Variants in GALC observed in about 807,000 individuals in gnomAD.
The protein encoded by GALC is galactosylceramidase.
In GALC, 77 loss-of-function variants were observed where a neutral mutation model predicts 91.8. The observed-to-expected ratio is 0.84, with a 90% CI of 0.70 to 1.01. The LOEUF (loss-of-function observed/expected upper bound fraction) is 1.01, where lower values mean the gene tolerates loss of function less well. GALC is among the 50% of genes least tolerant of loss of function. GALC has a pLI of 0.00. For missense variants in GALC, 882 were observed against 855.9 expected (o/e 1.03, Z -0.38); for synonymous variants, 357 against 306.7 (o/e 1.16, Z -1.71).
At chr14:87,964,929 T>G (rs572932799) in intron 9 of GALC, among the ~76,000 whole-genome samples, 1 of 152,180 alleles carries the variant, frequency 6.6e-6, no homozygotes, top group African/African-American at 2.4e-5. Flanking sequence ...TAAAATCTTT[T>G]GAGCTTTACA....
chr14:87,957,865 A>G lies in GALC; in HGVS notation c.1161+5519T>C, dbSNP rs1885623989. On this transcript the variant is annotated intron_variant, in intron 10 of 16. Transcript: ENST00000261304. ...GCTGAAAGAAATAATAGATGATGCA[A>G]ACACATGGAAATACATCCCATGCTC... Among the ~76,000 whole-genome samples the G allele has an allele frequency of 2.6e-5, 4 of 152,306 alleles. No homozygotes were observed. In the South Asian group the frequency reaches 8.3e-4, roughly 32 times the overall value.
intron 10 of GALC, chr14:87,954,984 C>T (rs1885463179): frequency 1.4e-6 from 2 of 1,415,026 alleles, no homozygotes; most frequent in South Asian, 1.2e-5. Flanking sequence ...TTTTTGCAGA[C>T]TGCCTCAACA....
rs529469325 is a variant in GALC at position 87,934,736 on chromosome 14, C to T, written c.2054G>A (p.Arg685His). 39 of 1,613,114 alleles carry T rather than the reference C, an allele frequency of 2.4e-5. No homozygotes were observed. Among genetic ancestry groups the T allele is most frequent in the South Asian group, 2.4e-4 (22 of 91,078 alleles). ...QFDNFLVEAT[R>H] ...TCTATGATGCCCTGTTAAGTATTAG[C>T]GTGTGGCTTCCACAAGAAAGTTGTC... The change falls in exon 17 of 17, where the codon CGC (arginine) becomes CAC (histidine). Residue 685 changes from arginine (R) to histidine (H), a missense_variant. Transcript: ENST00000261304.
chr14:87,974,521 A>C (rs563089912), intron 7 of GALC, among the ~76,000 whole-genome samples: 1 of 152,290 alleles, frequency 6.6e-6, no homozygotes, highest in East Asian at 1.9e-4. Flanking sequence ...AATAGACCCC[A>C]CTAACATAAG....
chr14:87,934,432 C>T lies in GALC; in HGVS notation c.*300G>A. 1.5e-6 allele frequency: 2 copies of T among 1,304,426 alleles called. No individual in the cohort carries two copies. Among genetic ancestry groups the T allele is most frequent in the Non-Finnish European group, 2.0e-6 (2 of 1,020,534 alleles). 80.8% of individuals were successfully genotyped at this position (1,304,426 alleles called of 1,614,324 possible). On this transcript the variant is annotated 3_prime_UTR_variant, in exon 17 of 17. Coordinates refer to ENST00000261304, the MANE Select transcript of GALC (RefSeq NM_000153.4). Reference sequence around the variant, plus strand: ...ATGAAGAGAGCTACCTCAGTGTTAGCAGCAAGGCTTCGAGGTCTGTACTAC... The same window carrying T: ...ATGAAGAGAGCTACCTCAGTGTTAGTAGCAAGGCTTCGAGGTCTGTACTAC...
rs199723885 is a variant in GALC at position 87,963,398 on chromosome 14, T to C, written c.1147A>G (p.Ile383Val). The change falls in exon 10 of 17, where the codon ATC becomes GTC. Residue 383 changes from isoleucine (I) to valine (V), a missense_variant. Ile to Val is a conservative substitution (Grantham distance 29). Coordinates refer to ENST00000261304, the MANE Select transcript of GALC (RefSeq NM_000153.4). ...LTDGLGNLTI[I>V]IETMSHKHSK... ...CAAAAGTTTACCATGGTTTCAATGA[T>C]GATGGTGAGGTTCCCTAAGCCATCA... 281 of 1,613,348 alleles carry C rather than the reference T, an allele frequency of 1.7e-4. No homozygotes were observed. The highest frequency in any genetic ancestry group is 1.0e-5 in the Non-Finnish European group (12 of 1,179,448).
intron 5 of GALC, 84 bp downstream of exon 5, chr14:87,984,310 T>A (rs1886876333): frequency 7.2e-7 from 1 of 1,397,572 alleles, no homozygotes; most frequent in African/African-American, 1.4e-5. Context: ...AAATGGTTAG[T>A]CAAAAAGTAC....
rs2139996078 is a variant in GALC, at chr14:87,965,515, G to C, written c.1023C>G (p.Val341=). 2 of 1,613,408 alleles carry C rather than the reference G, an allele frequency of 1.2e-6. No homozygotes were observed. Among genetic ancestry groups the C allele is most frequent in the Non-Finnish European group, 1.7e-6 (2 of 1,179,572 alleles). The change falls in exon 9 of 17, where the codon GTC becomes GTG. Residue 341 remains valine, a synonymous_variant. Coordinates refer to ENST00000261304, the MANE Select transcript of GALC (RefSeq NM_000153.4). The part of the protein sequence containing the change: ...WSGHYVVESP[V]WVSAHTTQFT... ...GGAACTGAACCATACCTGATACCCA[G>C]ACAGGAGATTCTACCACGTAGTGCC...
At chr14:87,982,335 T>A in intron 5 of GALC, 92 bp from the exon 6 acceptor site, 1 of 859,572 alleles carries the variant, frequency 1.2e-6, no homozygotes, top group East Asian at 2.5e-5. Flanking sequence ...CTCATCATCT[T>A]TCATATTATC....
intron 9 of GALC, 42 bp downstream of exon 9, chr14:87,965,463 T>G: frequency 6.2e-7 from 1 of 1,607,038 alleles, no homozygotes; most frequent in Non-Finnish European, 8.5e-7. Context: ...CTTTGTCTCT[T>G]AGAGAAGAAT....
At chr14:87,936,608 G>C (rs1177421790) in intron 16 of GALC, among the ~76,000 whole-genome samples, 1 of 151,902 alleles carries the variant, frequency 6.6e-6, no homozygotes, top group East Asian at 2.0e-4. Context: ...AATCTTGTCT[G>C]TTTCGTTCGC....
intron 16 of GALC, among the ~76,000 whole-genome samples, chr14:87,938,194 T>C (rs1025089782): frequency 1.3e-5 from 2 of 151,924 alleles, no homozygotes; most frequent in Non-Finnish European, 2.9e-5. Context: ...CAGTGAGGAA[T>C]ATGGAGAAAA....
chr14:87,950,592 C>G, intron 11 of GALC, 67 bp downstream of exon 11: 1 of 981,924 alleles, frequency 1.0e-6, no homozygotes, highest in African/African-American at 1.6e-5. Context: ...TTAAGAACTA[C>G]TGGCCTGTGA....
At position 87,962,170 on chromosome 14, in the gene GALC, C is replaced by T. The variant is rs1020302815; in HGVS notation, c.1161+1214G>A. On this transcript the variant is annotated intron_variant, in intron 10 of 16. Coordinates refer to ENST00000261304, the MANE Select transcript of GALC (RefSeq NM_000153.4). ...AACCAGACAAAAATGTGATTCGCAC[C>T]CTATTTGCAGCCAGTTTACCAACTA... is the stretch of plus-strand genomic sequence containing the variant. Among the ~76,000 whole-genome samples, 7 of 152,114 alleles carry T rather than the reference C, an allele frequency of 4.6e-5. No homozygotes were observed. In the East Asian group the frequency reaches 1.4e-3, roughly 29 times the overall value.
intron 14 of GALC, among the ~76,000 whole-genome samples, chr14:87,942,305 G>A (rs1884897414): frequency 6.6e-6 from 1 of 151,978 alleles, no homozygotes; most frequent in Admixed American, 6.6e-5. Context: ...CCCCTATGAA[G>A]TATCTGTCTA....
At chr14:87,944,348 G>GA (rs1365613617) in intron 14 of GALC, among the ~76,000 whole-genome samples, 2 of 151,548 alleles carry the variant, frequency 1.3e-5, no homozygotes, top group Non-Finnish European at 2.9e-5. Context: ...GGATGTCACA[G>GA]AAAAAAAAGT....
intron 4 of GALC, among the ~76,000 whole-genome samples, chr14:87,985,797 C>T (rs925673846): frequency 2.0e-5 from 3 of 152,164 alleles, no homozygotes; most frequent in Non-Finnish European, 2.9e-5. Context: ...TGAAATACTT[C>T]ACAAGCTCTG....
At chr14:87,937,664 G>A (rs1350275873) in intron 16 of GALC, among the ~76,000 whole-genome samples, 3 of 151,666 alleles carry the variant, frequency 2.0e-5, no homozygotes, top group East Asian at 2.0e-4. Flanking sequence ...ACAGAATGGG[G>A]TCAAGAAGAA....
intron 11 of GALC, 90 bp from the exon 12 acceptor site, chr14:87,950,021 A>G (rs1885238859): frequency 1.4e-6 from 1 of 734,890 alleles, no homozygotes; most frequent in African/African-American, 1.7e-5. Flanking sequence ...GAATGTACCA[A>G]TGACAATATT....
Sources: allele counts gnomAD v4.1 joint callset (sites outside exome capture counted in the v4.1 genomes callset), GRCh38; gene constraint gnomAD v4.1.1; transcripts MANE v1.5; gene names NCBI Gene and HGNC (gene_info 2026-07-23, HGNC 2026-07-21).